FMN2: variants seen among roughly 807,000 people sequenced by gnomAD.
FMN2 encodes the protein formin-2.
Under a neutral mutation model 142.3 loss-of-function variants are expected in FMN2, and 51 were observed. The observed-to-expected ratio is 0.36, with a 90% CI of 0.29 to 0.45. FMN2 has a LOEUF of 0.45. FMN2 is among the 20% of genes least tolerant of loss of function. FMN2 has a pLI of 1.00. For missense variants in FMN2, 1,936 were observed against 2,122.8 expected (o/e 0.91, Z 1.73); for synonymous variants, 882 against 869.8 (o/e 1.01, Z -0.25).
chr1:240,352,878 G>A (rs575696029), intron 13 of FMN2, among the ~76,000 whole-genome samples: 18 of 152,282 alleles, frequency 1.2e-4, no homozygotes, highest in South Asian at 8.3e-4. Flanking sequence ...AGTTGACTAC[G>A]GATGTCTTGT....
At chr1:240,131,083 C>T (rs909184602) in intron 2 of FMN2, among the ~76,000 whole-genome samples, 9 of 152,152 alleles carry the variant, frequency 5.9e-5, no homozygotes, top group South Asian at 2.1e-4. Context: ...CAGGATTTCT[C>T]AACTATGCTG....
chr1:240,177,886 A>G, intron 2 of FMN2, 35 bp from the exon 3 acceptor site: 3 of 1,511,520 alleles, frequency 2.0e-6, no homozygotes, highest in Non-Finnish European at 2.6e-6. Flanking sequence ...TAACTGAATT[A>G]ATAGCATTTC....
chr1:240,414,931 T>C (rs2103131373), intron 15 of FMN2, among the ~76,000 whole-genome samples: 1 of 152,306 alleles, frequency 6.6e-6, no homozygotes, highest in Non-Finnish European at 1.5e-5. Context: ...TTGTCTAGGA[T>C]AACTTTATAC....
At chr1:240,382,659 T>C (rs1673270118) in intron 14 of FMN2, among the ~76,000 whole-genome samples, 1 of 150,904 alleles carries the variant, frequency 6.6e-6, no homozygotes, top group African/African-American at 2.4e-5. Flanking sequence ...AGACTCCCTC[T>C]CAAAAAGAAA....
At chr1:240,328,417 T>C (rs963938853) in intron 8 of FMN2, among the ~76,000 whole-genome samples, 1 of 151,806 alleles carries the variant, frequency 6.6e-6, no homozygotes, top group Non-Finnish European at 1.5e-5. Flanking sequence ...GAAAGTATTA[T>C]AGACAGGCAA....
chr1:240,289,112 T>C (rs16839735), intron 7 of FMN2, among the ~76,000 whole-genome samples: 1,574 of 152,200 alleles, frequency 0.01, 23 homozygotes, highest in African/African-American at 0.034. Context: ...ATAAACACTG[T>C]GAGATTTTCT....
intron 13 of FMN2, among the ~76,000 whole-genome samples, chr1:240,353,460 G>A (rs757718189): frequency 4.6e-5 from 7 of 152,128 alleles, no homozygotes; most frequent in Non-Finnish European, 7.4e-5. Flanking sequence ...TTCCACTTAA[G>A]TAACTATTTA....
intron 4 of FMN2, among the ~76,000 whole-genome samples, chr1:240,199,450 T>C (rs1666048378): frequency 1.3e-5 from 2 of 152,246 alleles, no homozygotes; most frequent in South Asian, 4.1e-4. Flanking sequence ...GGCTTCTTTT[T>C]TGACAGTTGT....
At chr1:240,448,520 G>C (rs12060397) in intron 16 of FMN2, among the ~76,000 whole-genome samples, 1 of 151,882 alleles carries the variant, frequency 6.6e-6, no homozygotes, top group Non-Finnish European at 1.5e-5. Flanking sequence ...TAAATACTTA[G>C]AAAAAAAGAA....
chr1:240,228,287 G>C (rs1667389999), intron 6 of FMN2, among the ~76,000 whole-genome samples: 1 of 71,250 alleles, frequency 1.4e-5, no homozygotes, highest in Admixed American at 2.4e-4. Flanking sequence ...TGGGCAACAA[G>C]AGTGAAACTC....
chr1:240,298,846 T>C (rs1670087253), intron 8 of FMN2, among the ~76,000 whole-genome samples: 2 of 152,206 alleles, frequency 1.3e-5, no homozygotes, highest in Admixed American at 1.3e-4. Context: ...TGAAATCTTA[T>C]AGTACTCCTT....
Position 240,206,834 on chromosome 1 carries a change from T to A in FMN2, c.2022T>A (p.Thr674=). 1.2e-6 allele frequency: 2 copies of A among 1,613,934 alleles called. No individual in the cohort carries two copies. The highest frequency in any genetic ancestry group is 2.2e-5 in the South Asian group (2 of 91,080). ...ACATGAAGTCTGAGGGACAGGCCACTGTAATTCAGCAGCTGGAACAGACTA... is the reference window on the plus strand; with the variant it reads ...ACATGAAGTCTGAGGGACAGGCCACAGTAATTCAGCAGCTGGAACAGACTA... The part of the protein sequence containing the change: ...VVDMKSEGQA[T]VIQQLEQTIE... Residue 674 remains threonine, a synonymous_variant, in exon 5 of 18, where the codon ACT becomes ACA. Transcript: ENST00000319653.
intron 6 of FMN2, among the ~76,000 whole-genome samples, chr1:240,213,847 G>T (rs1363723157): frequency 1.3e-5 from 2 of 152,204 alleles, no homozygotes; most frequent in Non-Finnish European, 2.9e-5. Flanking sequence ...AGGTGCCTGT[G>T]CTGTTTTTAC....
chr1:240,179,109 G>T (rs1665045856), intron 3 of FMN2, among the ~76,000 whole-genome samples: 1 of 152,190 alleles, frequency 6.6e-6, no homozygotes, highest in African/African-American at 2.4e-5. Flanking sequence ...AGCATGTACT[G>T]TGTAGGGCTG....
At chr1:240,322,368 A>G (rs146353576) in intron 8 of FMN2, among the ~76,000 whole-genome samples, 2,249 of 152,194 alleles carry the variant, frequency 0.015, 24 homozygotes, top group Middle Eastern at 0.051. Context: ...CATCCCTGAG[A>G]TTTTTATGAT....
At chr1:240,347,006 A>G (rs893360691) in intron 13 of FMN2, among the ~76,000 whole-genome samples, 1 of 152,228 alleles carries the variant, frequency 6.6e-6, no homozygotes, top group East Asian at 1.9e-4. Context: ...TGTATAAGCA[A>G]TTAATAAATT....
At chr1:240,434,209 T>C (rs1675275641) in intron 15 of FMN2, among the ~76,000 whole-genome samples, 1 of 152,188 alleles carries the variant, frequency 6.6e-6, no homozygotes, top group Non-Finnish European at 1.5e-5. Flanking sequence ...TGTGCCAGGG[T>C]CATTTCGAGG....
At chr1:240,134,799 A>C (rs977276109) in intron 2 of FMN2, among the ~76,000 whole-genome samples, 3 of 152,088 alleles carry the variant, frequency 2.0e-5, no homozygotes, top group Non-Finnish European at 4.4e-5. Flanking sequence ...CTCCTTTCTC[A>C]ATCCATTTTA....
Position 240,154,992 on chromosome 1 carries a change from TC to T in FMN2, c.1783-22920del, listed in dbSNP as rs899423615. On this transcript the variant is annotated intron_variant, in intron 2 of 17. Transcript: ENST00000319653. ...GCCTCAACCTTTCAGACTTAAGCAA[TC>T]CCCCCCCCGACCTTGACCTCCTGAG... 6.4e-3 allele frequency among the ~76,000 whole-genome samples: 932 copies of T among 146,478 alleles called. 36 individuals carry two copies. Among genetic ancestry groups the T allele is most frequent in the Admixed American group, 0.059 (849 of 14,508 alleles).
Sources: gnomAD v4.1 joint callset for allele counts (sites outside exome capture counted in the v4.1 genomes callset) on GRCh38, gnomAD v4.1.1 for gene constraint, MANE v1.5 for transcripts, NCBI Gene and HGNC (gene_info 2026-07-23, HGNC 2026-07-21) for gene names.